BST1: variants seen among roughly 807,000 people sequenced by gnomAD.
BST1 encodes the protein bone marrow stromal cell antigen 1.
A neutral mutation model predicts 40.6 loss-of-function variants in BST1; 49 were observed. The ratio of observed to expected loss-of-function variants is 1.21; its 90% CI spans 0.96 to 1.53. The LOEUF (loss-of-function observed/expected upper bound fraction) is 1.53, where lower values mean the gene tolerates loss of function less well. Ranked by LOEUF, BST1 falls within the 40% of genes most tolerant of loss-of-function variation. BST1 has a pLI of 0.00. For synonymous variants in BST1, 157 were observed against 159.3 expected (o/e 0.99, Z 0.11); for missense variants, 423 against 395.9 (o/e 1.07, Z -0.58).
rs76422069 is a variant in BST1 at position 15,703,633 on chromosome 4, G to T, written c.188+301G>T. 1.9e-3 allele frequency among the ~76,000 whole-genome samples: 248 copies of T among 127,434 alleles called. 1 individual carries two copies. The highest frequency in any genetic ancestry group is 5.0e-3 in the East Asian group (18 of 3,606). 83.6% of individuals were successfully genotyped at this position (127,434 alleles called of 152,430 possible). On this transcript the variant is annotated intron_variant, in intron 1 of 8. Coordinates refer to ENST00000265016, the MANE Select transcript of BST1 (RefSeq NM_004334.3). ...GTGCGTGTGTTCTAGAGGTGAGGGG[G>T]GTGTGTGTGTGCGCGCGCTCTAGAG...
chr4:15,731,075 G>GTCACCAAGAA (rs1189644978), intron 8 of BST1: 1 of 490,020 alleles, frequency 2.0e-6, no homozygotes, highest in Non-Finnish European at 3.8e-6. Flanking sequence ...TTGACAGGCA[G>GTCACCAAGAA]GTGACTGTTA....
chr4:15,743,592 T>C, the BST1 span: 1 of 330,670 alleles, frequency 3.0e-6, no homozygotes, highest in Non-Finnish European at 5.9e-6. Context: ...GCTGGGAGCC[T>C]CTGCGGGAAG....
the BST1 span, among the ~76,000 whole-genome samples, chr4:15,751,901 T>C: frequency 6.6e-6 from 1 of 152,326 alleles, no homozygotes; most frequent in Non-Finnish European, 1.5e-5. Flanking sequence ...TTGTGTATTA[T>C]AACAATTTAT....
the BST1 span, among the ~76,000 whole-genome samples, chr4:15,757,248 C>T: frequency 1.1e-4 from 16 of 152,254 alleles, no homozygotes; most frequent in African/African-American, 2.9e-4. Context: ...CTCATATTTT[C>T]GCGGGACCCC....
At chr4:15,704,148 G>T (rs138335922) in intron 1 of BST1, among the ~76,000 whole-genome samples, 62 of 144,690 alleles carry the variant, frequency 4.3e-4, no homozygotes, top group African/African-American at 1.6e-3. Context: ...TGGTCTAGAG[G>T]TGAGGGATGT....
chr4:15,705,455 A>G, intron 1 of BST1, 60 bp from the exon 2 acceptor site: 1 of 1,498,932 alleles, frequency 6.7e-7, no homozygotes, highest in Non-Finnish European at 8.9e-7. Flanking sequence ...AAATGGGCAT[A>G]CTTCACAACA....
At chr4:15,733,526 G>C (rs1318514461), downstream of BST1, among the ~76,000 whole-genome samples, 1 of 152,230 alleles carries the variant, frequency 6.6e-6, no homozygotes, top group Admixed American at 6.5e-5. Flanking sequence ...AGCTCTCCAA[G>C]TCCCCTCTCG....
At chr4:15,743,422 T>C in the BST1 span, 2 of 266,468 alleles carry the variant, frequency 7.5e-6, no homozygotes, top group East Asian at 1.1e-4. Context: ...TGTTTATTCT[T>C]CAATCCAAGG....
At chr4:15,759,782 G>A in the BST1 span, among the ~76,000 whole-genome samples, 8 of 151,844 alleles carry the variant, frequency 5.3e-5, no homozygotes, top group East Asian at 3.9e-4. Flanking sequence ...TCAATACCCC[G>A]CTTTCTCCTT....
the BST1 span, among the ~76,000 whole-genome samples, chr4:15,755,261 C>T: frequency 2.0e-5 from 3 of 152,302 alleles, no homozygotes; most frequent in South Asian, 6.2e-4. Flanking sequence ...GCCTCGGCCT[C>T]TTCAGTAGCT....
downstream of BST1, among the ~76,000 whole-genome samples, chr4:15,740,304 G>T (rs559764779): frequency 5.9e-5 from 9 of 152,254 alleles, no homozygotes; most frequent in African/African-American, 2.2e-4. Flanking sequence ...TGATCTGCCC[G>T]CCTTGGGTTC....
the BST1 span, among the ~76,000 whole-genome samples, chr4:15,765,897 C>T: frequency 1.1e-4 from 17 of 152,094 alleles, no homozygotes; most frequent in East Asian, 2.5e-3. Flanking sequence ...TATTATATGT[C>T]GATTCCCCTT....
At chr4:15,769,970 G>A in the BST1 span, among the ~76,000 whole-genome samples, 1 of 152,130 alleles carries the variant, frequency 6.6e-6, no homozygotes, top group African/African-American at 2.4e-5. Context: ...CTCCTGAGTA[G>A]CTGTGATTAC....
chr4:15,710,731 G>GTTTC (rs1486325378), intron 3 of BST1, among the ~76,000 whole-genome samples: 1 of 151,862 alleles, frequency 6.6e-6, no homozygotes, highest in Non-Finnish European at 1.5e-5. Context: ...TGTCCTCCAG[G>GTTTC]TTCATCCATG....
chr4:15,705,092 C>G (rs770114297), intron 1 of BST1: 24 of 685,696 alleles, frequency 3.5e-5, no homozygotes, highest in Non-Finnish European at 5.6e-5. Flanking sequence ...AGCATTGGGC[C>G]TCCCTCCTAA....
chr4:15,731,570 G>A (rs1268433762), intron 8 of BST1, 170 bp from the exon 9 acceptor site: 2 of 1,060,434 alleles, frequency 1.9e-6, no homozygotes, highest in Admixed American at 1.9e-5. Flanking sequence ...CGCTGGTTTC[G>A]GTGCAGGACT....
the BST1 span, among the ~76,000 whole-genome samples, chr4:15,757,404 G>A: frequency 6.6e-6 from 1 of 151,924 alleles, no homozygotes; most frequent in South Asian, 2.1e-4. Flanking sequence ...ATTTTTTTGG[G>A]CCCAAGGTCA....
chr4:15,761,976 G>A, the BST1 span, among the ~76,000 whole-genome samples: 1 of 151,704 alleles, frequency 6.6e-6, no homozygotes, highest in Non-Finnish European at 1.5e-5. Flanking sequence ...GAGACAGGCC[G>A]AGGCAGGCGG....
At chr4:15,713,948 C>T (rs1486357154) in intron 4 of BST1, among the ~76,000 whole-genome samples, 1 of 152,150 alleles carries the variant, frequency 6.6e-6, no homozygotes, top group Non-Finnish European at 1.5e-5. Context: ...AGGTGATCTG[C>T]CCACCTCAGT....
Sources: allele counts gnomAD v4.1 joint callset (sites outside exome capture counted in the v4.1 genomes callset), GRCh38; gene constraint gnomAD v4.1.1; transcripts MANE v1.5; gene names NCBI Gene and HGNC (gene_info 2026-07-23, HGNC 2026-07-21).